NSD1: variants seen among roughly 807,000 people sequenced by gnomAD.
NSD1 encodes nuclear receptor binding SET domain protein 1.
NSD1 carries 26 observed loss-of-function variants against 242.7 expected under a neutral mutation model. The observed-to-expected ratio is 0.11, with a 90% CI of 0.08 to 0.15. NSD1 has a LOEUF of 0.15. Among genes scored for constraint, NSD1 ranks in the 10% least tolerant of loss-of-function variants. The pLI is 1.00. For synonymous variants in NSD1, 1,106 were observed against 1,178.1 expected, an observed-to-expected ratio of 0.94 and a Z score of 1.25; for missense variants, 2,495 against 3,272.8, an observed-to-expected ratio of 0.76 and a Z score of 5.80.
At chr5:177,146,514 A>T (rs983029821) in intron 2 of NSD1, among the ~76,000 whole-genome samples, 2 of 152,082 alleles carry the variant, frequency 1.3e-5, no homozygotes, top group African/African-American at 2.4e-5. Flanking sequence ...AGTCTTACTT[A>T]GGCATTGACG....
At chr5:177,218,668 C>T (rs1763984849) in intron 5 of NSD1, among the ~76,000 whole-genome samples, 1 of 151,240 alleles carries the variant, frequency 6.6e-6, no homozygotes, top group Non-Finnish European at 1.5e-5. Flanking sequence ...CCCGGATTGA[C>T]GCCATTCTCC....
In NSD1 at chr5:177,273,976, C is replaced by T. The variant is rs185639847; in HGVS notation, c.5622+192C>T. Among the ~76,000 whole-genome samples, 631 of 152,200 alleles carry T rather than the reference C, an allele frequency of 4.1e-3. 1 individual carries two copies. Among genetic ancestry groups the T allele is most frequent in the Non-Finnish European group, 8.0e-3 (543 of 67,984 alleles). ...ATCCCAGCACTTTGGGAGGCCGAGGCGGGCGGATCACCTGAAGTCAGGAGT... is the reference window on the plus strand; with the variant it reads ...ATCCCAGCACTTTGGGAGGCCGAGGTGGGCGGATCACCTGAAGTCAGGAGT... On this transcript the variant is annotated intron_variant, in intron 17 of 22. Transcript: ENST00000439151.
At chr5:177,274,102 C>T (rs1256382402) in intron 17 of NSD1, among the ~76,000 whole-genome samples, 2 of 151,768 alleles carry the variant, frequency 1.3e-5, no homozygotes, top group African/African-American at 4.8e-5. Flanking sequence ...TGCAGTGAGC[C>T]GAGATCGTGC....
chr5:177,288,892 G>A lies in NSD1; in HGVS notation c.6225G>A (p.Pro2075=), dbSNP rs2127270500. 1.9e-6 allele frequency: 3 copies of A among 1,614,118 alleles called. No homozygotes were observed. The highest frequency in any genetic ancestry group is 2.2e-5 in the South Asian group (2 of 91,086). Residue 2075 remains proline (P), a synonymous_variant, in exon 21 of 23, where the codon CCG becomes CCA. Transcript: ENST00000439151. ...NGKTVCKCGA[P]NCSGFLGVRP... ...AGACTGTTTGCAAATGTGGAGCCCC[G>A]AACTGCAGTGGCTTCTTGGGTGTAA...
chr5:177,185,093 A>T (rs966796533), intron 2 of NSD1, among the ~76,000 whole-genome samples: 3 of 152,102 alleles, frequency 2.0e-5, no homozygotes, highest in Non-Finnish European at 4.4e-5. Flanking sequence ...GATAATTGTT[A>T]TGTAAAGCAT....
At chr5:177,276,908 T>C (rs1182028347) in intron 17 of NSD1, among the ~76,000 whole-genome samples, 1 of 152,220 alleles carries the variant, frequency 6.6e-6, no homozygotes, top group Non-Finnish European at 1.5e-5. Flanking sequence ...AAACCTATAA[T>C]TGGATCTAAA....
Position 177,211,866 on chromosome 5 carries a change from C to G in NSD1, c.3467C>G (p.Pro1156Arg). Residue 1156 changes from proline (P) to arginine (R), a missense_variant, in exon 5 of 23, where the codon CCT becomes CGT. By Grantham distance (103) the Pro-to-Arg change is moderately radical (BLOSUM62 -2). Transcript: ENST00000439151. ...CTCAATGGTGTAAATCAAGTGGTGC[C>G]TAAAAAGCGGTGGCAGCGTTTAAAC... ...DELNGVNQVV[P>R]KKRWQRLNQR... 6.2e-7 allele frequency: 1 copy of G among 1,612,588 alleles called. No homozygotes were observed. Among genetic ancestry groups the G allele is most frequent in the Non-Finnish European group, 8.5e-7 (1 of 1,179,268 alleles).
At chr5:177,205,682 A>G (rs901267292) in intron 4 of NSD1, among the ~76,000 whole-genome samples, 4 of 151,822 alleles carry the variant, frequency 2.6e-5, no homozygotes, top group Admixed American at 6.6e-5. Context: ...GTAATTCCCC[A>G]TTTGTCCTTC....
intron 2 of NSD1, among the ~76,000 whole-genome samples, chr5:177,186,085 T>TTA (rs1180696693): frequency 1.8e-5 from 2 of 112,550 alleles, no homozygotes; most frequent in African/African-American, 3.4e-5. Context: ...ATATAATATA[T>TTA]TATATATAAC....
intron 2 of NSD1, among the ~76,000 whole-genome samples, chr5:177,140,969 C>T (rs2149763387): frequency 6.6e-6 from 1 of 152,266 alleles, no homozygotes; most frequent in African/African-American, 2.4e-5. Context: ...TCTCTTCACA[C>T]CTGAGGTTCT....
intron 13 of NSD1, among the ~76,000 whole-genome samples, chr5:177,259,362 C>T (rs1461375793): frequency 1.3e-5 from 2 of 152,178 alleles, no homozygotes; most frequent in East Asian, 1.9e-4. Flanking sequence ...ACCTGTATTT[C>T]CAGCTTCTTG....
At chr5:177,185,795 A>ATGTATT (rs1554184208) in intron 2 of NSD1, among the ~76,000 whole-genome samples, 1 of 88,396 alleles carries the variant, frequency 1.1e-5, no homozygotes, top group Non-Finnish European at 2.0e-5. Context: ...TATATTATAT[A>ATGTATT]TATATATATA....
chr5:177,272,141 C>T (rs1233507595), intron 16 of NSD1, among the ~76,000 whole-genome samples: 2 of 150,840 alleles, frequency 1.3e-5, no homozygotes, highest in Non-Finnish European at 3.0e-5. Context: ...CCCGCCCCAC[C>T]ACCATCACCA....
intron 8 of NSD1, among the ~76,000 whole-genome samples, chr5:177,243,558 G>A (rs1322940644): frequency 6.6e-6 from 1 of 152,140 alleles, no homozygotes; most frequent in Non-Finnish European, 1.5e-5. Context: ...GGATCTCTGG[G>A]TACATACCCC....
At chr5:177,228,131 T>C (rs944910322) in intron 5 of NSD1, among the ~76,000 whole-genome samples, 2 of 152,108 alleles carry the variant, frequency 1.3e-5, no homozygotes, top group African/African-American at 4.8e-5. Flanking sequence ...CAATTACCTG[T>C]AGTCAACTGA....
intron 2 of NSD1, among the ~76,000 whole-genome samples, chr5:177,185,745 TTATA>T (rs1348116556): frequency 9.3e-6 from 1 of 107,246 alleles, no homozygotes; most frequent in Non-Finnish European, 1.7e-5. Context: ...ATTTTATATA[TTATA>T]TATAATATAT....
Position 177,246,680 on chromosome 5 carries a change from A to G in NSD1, c.4381A>G (p.Thr1461Ala). ...TSYSKDFGGG[T>A]TKIFDKPRKR... ...TAACACCTATTTTCCTGTCATAGGC[A>G]CTACCAAGATATTTGACAAGCCAAG... The change falls in exon 10 of 23, where the codon ACT (threonine) becomes GCT (alanine). Residue 1461 changes from threonine (T) to alanine (A), a missense_variant and splice_region_variant. Thr to Ala is a moderately conservative substitution (Grantham distance 58). Coordinates refer to ENST00000439151, the MANE Select transcript of NSD1 (RefSeq NM_022455.5). The G allele has an allele frequency of 6.2e-7, 1 of 1,611,144 alleles. No individual in the cohort carries two copies. The highest frequency in any genetic ancestry group is 8.5e-7 in the Non-Finnish European group (1 of 1,177,314).
At chr5:177,190,431 C>T (rs1367007546) in intron 2 of NSD1, among the ~76,000 whole-genome samples, 2 of 151,856 alleles carry the variant, frequency 1.3e-5, no homozygotes, top group South Asian at 2.1e-4. Context: ...CGGCATGCGC[C>T]GCCATGCCCT....
chr5:177,150,175 G>A (rs891877316), intron 2 of NSD1, among the ~76,000 whole-genome samples: 26 of 150,880 alleles, frequency 1.7e-4, no homozygotes, highest in African/African-American at 6.1e-4. Flanking sequence ...GCTCTGTCAC[G>A]CAAGCTGGAA....
Sources: gnomAD v4.1 joint callset for allele counts (sites outside exome capture counted in the v4.1 genomes callset) on GRCh38, gnomAD v4.1.1 for gene constraint, MANE v1.5 for transcripts, NCBI Gene and HGNC (gene_info 2026-07-23, HGNC 2026-07-21) for gene names.